The following MYBPC2 variants were observed in gnomAD, a reference collection of about 807,000 sequenced individuals.
The protein encoded by MYBPC2 is myosin binding protein C2, also known as myosin-binding protein C, fast-type.
Under a neutral mutation model 137.0 loss-of-function variants are expected in MYBPC2, and 122 were observed. The observed-to-expected ratio is 0.89, with a 90% CI of 0.77 to 1.03. The LOEUF (loss-of-function observed/expected upper bound fraction) is 1.03. Ranked by LOEUF, MYBPC2 falls within the 50% of genes least tolerant of loss-of-function variation. MYBPC2 has a pLI of 0.00. For missense variants in MYBPC2, 1,500 were observed against 1,534.4 expected, an observed-to-expected ratio of 0.98 and a Z score of 0.37; for synonymous variants, 626 against 612.3, an observed-to-expected ratio of 1.02 and a Z score of -0.33.
chr19:50,460,514 C>G (rs1038574619), intron 24 of MYBPC2, among the ~76,000 whole-genome samples: 1 of 152,158 alleles, frequency 6.6e-6, no homozygotes, highest in East Asian at 1.9e-4. Flanking sequence ...TAGCGCTACC[C>G]CCTGGTCTCC....
At chr19:50,451,604 C>T (rs1601290915) in intron 15 of MYBPC2, among the ~76,000 whole-genome samples, 1 of 126,302 alleles carries the variant, frequency 7.9e-6, no homozygotes, top group Non-Finnish European at 1.6e-5. Context: ...GGGGCCTAGA[C>T]TGTAGGGTGT....
intron 26 of MYBPC2, among the ~76,000 whole-genome samples, chr19:50,463,935 T>A (rs576795344): frequency 1.3e-5 from 1 of 78,318 alleles, no homozygotes; most frequent in East Asian, 3.6e-4. Flanking sequence ...CGAGATTCTG[T>A]CTCAAAAAAA....
chr19:50,465,261 T>C lies in MYBPC2; in HGVS notation c.3415+729T>C, dbSNP rs2040005573. Among the ~76,000 whole-genome samples, 1 of 152,144 alleles carries C rather than the reference T, an allele frequency of 6.6e-6. No individual in the cohort carries two copies. The highest frequency in any genetic ancestry group is 1.5e-5 in the Non-Finnish European group (1 of 68,008). ...ATGATGTCCCAGCCACACCGGGCTG[T>C]TGGCAGTTACACTGGCCAGGCTTTC... On this transcript the variant is annotated intron_variant, in intron 27 of 27. Transcript: ENST00000357701. This position sits in a 1 kb window ranked among gnomAD's most constrained non-coding sequence, Gnocchi z 4.5.
At chr19:50,436,206 T>C in intron 4 of MYBPC2, 46 bp downstream of exon 4, 1 of 1,552,258 alleles carries the variant, frequency 6.4e-7, no homozygotes, top group South Asian at 1.2e-5. Flanking sequence ...GAGTGGAGCT[T>C]GTGCAGGACA....
chr19:50,458,192 C>T (rs533948751), intron 20 of MYBPC2, among the ~76,000 whole-genome samples: 25 of 151,340 alleles, frequency 1.7e-4, no homozygotes, highest in South Asian at 8.5e-4. Flanking sequence ...AGCCTGTAGT[C>T]CCAGCTACTC....
At chr19:50,441,391 C>T (rs931860462) in intron 8 of MYBPC2, among the ~76,000 whole-genome samples, 5 of 152,204 alleles carry the variant, frequency 3.3e-5, no homozygotes, top group Non-Finnish European at 5.9e-5. Flanking sequence ...CACCCTTTTC[C>T]TAGCAATTTC....
Position 50,454,365 on chromosome 19 carries a change from C to T in MYBPC2, c.2010C>T (p.Val670=), listed in dbSNP as rs745373715. ...CAATGTACGATGGGGGGAAGCCAGT[C>T]ACCGGTGAGTGCCTCTGTCCTCATG... ...EPPMYDGGKP[V]TGYLVERKKK... is the part of the protein sequence containing the mutation. Residue 670 remains valine (V), a synonymous_variant, in exon 18 of 28, where the codon GTC becomes GTT. Transcript: ENST00000357701. 1.1e-4 allele frequency: 179 copies of T among 1,606,978 alleles called. No homozygotes were observed. The highest frequency in any genetic ancestry group is 3.5e-5 in the Non-Finnish European group (41 of 1,175,782).
In MYBPC2 at chr19:50,445,979, G is replaced by A; in HGVS notation, c.1233G>A (p.Val411=). The A allele has an allele frequency of 6.2e-7, 1 of 1,613,392 alleles. No individual in the cohort carries two copies. The part of the protein sequence containing the change: ...GKRHILIFSD[V]VQEDRGRYQV... The stretch of plus-strand genomic sequence containing the variant: ...GCCACATCCTCATCTTCTCAGACGT[G>A]GTCCAGGAGGACAGGGGTCGCTATC... The change falls in exon 12 of 28, where the codon GTG becomes GTA. Residue 411 remains valine (V), a synonymous_variant. Coordinates refer to ENST00000357701, the MANE Select transcript of MYBPC2 (RefSeq NM_004533.4).
chr19:50,437,401 G>A, intron 5 of MYBPC2, 72 bp from the exon 6 acceptor site: 1 of 1,494,564 alleles, frequency 6.7e-7, no homozygotes, highest in Non-Finnish European at 9.2e-7. Flanking sequence ...TGCAGGCCTG[G>A]AGAGGGGCTC....
chr19:50,462,016 G>A lies in MYBPC2; in HGVS notation c.3208G>A (p.Ala1070Thr), dbSNP rs748346424. 52 of 1,571,458 alleles carry A rather than the reference G, an allele frequency of 3.3e-5. No homozygotes were observed. The highest frequency in any genetic ancestry group is 1.1e-4 in the South Asian group (9 of 85,394). ...TGGGTACTCGGCAGCCCTCAACTGT[G>A]CTGTCAGAGGCCACCCGAAGGTGCC... ...VAGYSAALNCAVRGHPKPKVV... is the reference protein window; with the variant it reads ...VAGYSAALNCTVRGHPKPKVV... The change falls in exon 26 of 28, where the codon GCT becomes ACT. Residue 1070 changes from alanine to threonine, a missense_variant. Ala to Thr is a moderately conservative substitution (Grantham distance 58). Transcript: ENST00000357701.
At chr19:50,443,468 G>T in intron 9 of MYBPC2, 26 bp from the exon 10 acceptor site, 1 of 1,610,438 alleles carries the variant, frequency 6.2e-7, no homozygotes, top group Admixed American at 1.7e-5. Context: ...TCCACGCCCT[G>T]GTTTGAGGTG....
At chr19:50,439,571 CATCAACCATCTTCT>C in intron 7 of MYBPC2, among the ~76,000 whole-genome samples, 1 of 140,288 alleles carries the variant, frequency 7.1e-6, no homozygotes, top group Middle Eastern at 3.5e-3. Flanking sequence ...CTCTCTCACC[CATCAACCATCTTCT>C]GAGGCCTCCC....
intron 26 of MYBPC2, among the ~76,000 whole-genome samples, 183 bp downstream of exon 26, chr19:50,462,219 C>G (rs1159793882): frequency 6.6e-6 from 1 of 150,680 alleles, no homozygotes; most frequent in Non-Finnish European, 1.5e-5. Flanking sequence ...CAGGGTCTTG[C>G]TGTATCACCC....
In MYBPC2 at chr19:50,464,372, G is replaced by C; in HGVS notation, c.3255G>C (p.Lys1085Asn). The change falls in exon 27 of 28, where the codon AAG (lysine) becomes AAC (asparagine). Residue 1085 changes from lysine (K) to asparagine (N), a missense_variant. Physicochemically the swap from Lys to Asn is moderately conservative, Grantham distance 94. Coordinates refer to ENST00000357701, the MANE Select transcript of MYBPC2 (RefSeq NM_004533.4). ...CGAAGGTGGTCTGGATGAAGAACAA[G>C]ATGGAAATCCGTGAAGATCCCAAGT... ...PKPKVVWMKN[K>N]MEIREDPKFL... The C allele has an allele frequency of 2.5e-6, 4 of 1,609,764 alleles. No individual in the cohort carries two copies. Among genetic ancestry groups the C allele is most frequent in the Non-Finnish European group, 3.4e-6 (4 of 1,178,170 alleles).
Position 50,453,998 on chromosome 19 carries a change from G to A in MYBPC2, c.1750-22G>A, listed in dbSNP as rs1555797478. On this transcript the variant is annotated intron_variant, in intron 16 of 27. Transcript: ENST00000357701. The stretch of plus-strand genomic sequence containing the variant: ...GCTTGGGGACACGATGGGGTGCAAG[G>A]CCATCTGGTGGCTGCGTTCAGGTAT... 4 of 1,573,976 alleles carry A rather than the reference G, an allele frequency of 2.5e-6. No individual in the cohort carries two copies. The South Asian group carries it at 4.7e-5, about 18-fold the overall frequency.
Position 50,445,973 on chromosome 19 carries a change from A to G in MYBPC2, c.1227A>G (p.Ser409=), listed in dbSNP as rs1232988177. The stretch of plus-strand genomic sequence containing the variant: ...GGAAGCGCCACATCCTCATCTTCTC[A>G]GACGTGGTCCAGGAGGACAGGGGTC... ...KDGKRHILIF[S]DVVQEDRGRY... The change falls in exon 12 of 28, where the codon TCA becomes TCG. Residue 409 remains serine (S), a synonymous_variant. Transcript: ENST00000357701. 1.2e-6 allele frequency: 2 copies of G among 1,613,294 alleles called. No individual in the cohort carries two copies. Among genetic ancestry groups the G allele is most frequent in the Non-Finnish European group, 1.7e-6 (2 of 1,179,632 alleles).
chr19:50,438,065 C>G (rs1444481883), intron 7 of MYBPC2, among the ~76,000 whole-genome samples: 1 of 149,898 alleles, frequency 6.7e-6, no homozygotes, highest in Admixed American at 6.6e-5. Flanking sequence ...CCCTCCCATC[C>G]ATCCATCCCT....
At position 50,464,383 on chromosome 19, in the gene MYBPC2, G is replaced by A. The variant is rs25667; in HGVS notation, c.3266G>A (p.Arg1089His). The A allele has an allele frequency of 0.19, 304,407 of 1,609,318 alleles. 30,503 individuals are homozygous for A. The highest frequency in any genetic ancestry group is 0.3 in the Admixed American group (17,779 of 59,210). ...VVWMKNKMEI[R>H]EDPKFLITNY... Reference sequence around the variant, plus strand: ...TGGATGAAGAACAAGATGGAAATCCGTGAAGATCCCAAGTTCCTGATAACC... The same window carrying A: ...TGGATGAAGAACAAGATGGAAATCCATGAAGATCCCAAGTTCCTGATAACC... The change falls in exon 27 of 28, where the codon CGT (arginine) becomes CAT (histidine). Residue 1089 changes from arginine to histidine, a missense_variant. Arg to His is a conservative substitution (Grantham distance 29, BLOSUM62 0). Coordinates refer to ENST00000357701, the MANE Select transcript of MYBPC2 (RefSeq NM_004533.4).
chr19:50,452,110 C>G, intron 16 of MYBPC2, 107 bp downstream of exon 16: 1 of 1,247,518 alleles, frequency 8.0e-7, no homozygotes, highest in Non-Finnish European at 1.1e-6. Context: ...ATGGTTCCTT[C>G]TTCACAGGGT....
Sources: gnomAD v4.1 joint callset for allele counts (sites outside exome capture counted in the v4.1 genomes callset) on GRCh38, gnomAD v4.1.1 for gene constraint, Gnocchi (gnomAD v3.1) non-coding constraint, MANE v1.5 for transcripts, NCBI Gene and HGNC (gene_info 2026-07-23, HGNC 2026-07-21) for gene names.